The following SLC35A3 variants were observed in gnomAD, a reference collection of about 807,000 sequenced individuals.
SLC35A3 encodes solute carrier family 35 member A3, also known as UDP-N-acetylglucosamine transporter.
Under a neutral mutation model 39.0 loss-of-function variants are expected in SLC35A3, and 26 were observed. The ratio of observed to expected loss-of-function variants is 0.67; its 90% CI spans 0.49 to 0.92. SLC35A3 has a LOEUF of 0.92. Ranked by LOEUF, SLC35A3 falls within the 40% of genes least tolerant of loss-of-function variation. The probability of loss-of-function intolerance (pLI) is 0.00; values close to 1 mark genes in which losing one functional copy is unlikely to be tolerated. For synonymous variants in SLC35A3, 135 were observed against 133.1 expected, an observed-to-expected ratio of 1.01 and a Z score of -0.10; for missense variants, 299 against 371.6, an observed-to-expected ratio of 0.80 and a Z score of 1.61.
chr1:99,970,706 G>A (rs1656756251), intron 1 of SLC35A3: 3 of 1,149,146 alleles, frequency 2.6e-6, no homozygotes, highest in East Asian at 5.1e-5. Context: ...CAGAACAGGT[G>A]TGTGGGTGCA....
intron 2 of SLC35A3, among the ~76,000 whole-genome samples, chr1:99,995,849 A>G (rs944987730): frequency 6.6e-6 from 1 of 152,226 alleles, no homozygotes; most frequent in Admixed American, 6.5e-5. Context: ...ATCAGATTCC[A>G]CAGAAGGAAT....
At chr1:99,974,492 GT>G (rs972779719) in intron 1 of SLC35A3, among the ~76,000 whole-genome samples, 31 of 151,964 alleles carry the variant, frequency 2.0e-4, no homozygotes, top group Non-Finnish European at 4.1e-4. Context: ...GTGCTTTTTT[GT>G]TTTTTAAATA....
In SLC35A3 at chr1:100,026,930, T is replaced by C. The variant is rs1660944569; in HGVS notation, c.*4454T>C. The C allele has an allele frequency of 2.8e-6, 1 of 354,614 alleles. No homozygotes were observed. Among genetic ancestry groups the C allele is most frequent in the South Asian group, 1.5e-4 (1 of 6,614 alleles). 22.0% of individuals were successfully genotyped at this position (354,614 alleles called of 1,614,324 possible). A position where few individuals can be genotyped will look rare whatever the true frequency, so the allele number is the denominator to read the frequency against. On this transcript the variant is annotated 3_prime_UTR_variant, in exon 8 of 8. Transcript: ENST00000533028. ...TTTTTTGGTATCCAGCTATTACCTATTTAATAGATTTATTGAAATAGATTA... is the reference window on the plus strand; with the variant it reads ...TTTTTTGGTATCCAGCTATTACCTACTTAATAGATTTATTGAAATAGATTA...
At chr1:99,990,277 A>T (rs893183867) in intron 1 of SLC35A3, among the ~76,000 whole-genome samples, 9 of 152,118 alleles carry the variant, frequency 5.9e-5, no homozygotes, top group South Asian at 4.2e-4. Context: ...GTTATTTTTT[A>T]AAAAATACGT....
chr1:100,035,242 T>A lies in SLC35A3; in HGVS notation c.*12766T>A, dbSNP rs1000329760. 2 of 152,242 alleles carry A rather than the reference T, an allele frequency of 1.3e-5. No homozygotes were observed. Among genetic ancestry groups the A allele is most frequent in the Admixed American group, 6.5e-5 (1 of 15,286 alleles). The allele number at this position is 152,242 out of a possible 1,614,324, so 9.4% of individuals were successfully genotyped here. On this transcript the variant is annotated 3_prime_UTR_variant, in exon 8 of 8. Coordinates refer to ENST00000533028, the MANE Select transcript of SLC35A3 (RefSeq NM_012243.3). The stretch of plus-strand genomic sequence containing the variant: ...ACAATGTAATGCTGTGTAGTCATAC[T>A]GTATTTTTTACTTGTATTTTTGTTG...
chr1:99,995,709 G>A (rs923975951), intron 2 of SLC35A3, among the ~76,000 whole-genome samples: 8 of 152,158 alleles, frequency 5.3e-5, no homozygotes, highest in African/African-American at 1.9e-4. Context: ...TAGAGTCTAT[G>A]CATATGGAGC....
chr1:100,006,286 T>G (rs1659224900), intron 3 of SLC35A3, among the ~76,000 whole-genome samples: 1 of 152,120 alleles, frequency 6.6e-6, no homozygotes, highest in African/African-American at 2.4e-5. Context: ...CTAGCAGTGG[T>G]GGGTCCAGGT....
At chr1:99,992,173 T>C (rs866437269) in intron 1 of SLC35A3, among the ~76,000 whole-genome samples, 1 of 152,186 alleles carries the variant, frequency 6.6e-6, no homozygotes, top group African/African-American at 2.4e-5. Context: ...GTAAAAATCT[T>C]TAATTATGAC....
intron 1 of SLC35A3, among the ~76,000 whole-genome samples, chr1:99,983,904 G>A (rs1353115669): frequency 6.6e-6 from 1 of 152,286 alleles, no homozygotes; most frequent in South Asian, 2.1e-4. Flanking sequence ...TTACAGGCAT[G>A]AGCCACCGCA....
At position 100,032,942 on chromosome 1, in the gene SLC35A3, A is replaced by G. The variant is rs1661321140; in HGVS notation, c.*10466A>G. On this transcript the variant is annotated 3_prime_UTR_variant, in exon 8 of 8. Coordinates refer to ENST00000533028, the MANE Select transcript of SLC35A3 (RefSeq NM_012243.3). ...GCTTACCTTATATTTGTCTTGTTCCAAATTTGGATTATCAGCTAATTCTCC... is the reference window on the plus strand; with the variant it reads ...GCTTACCTTATATTTGTCTTGTTCCGAATTTGGATTATCAGCTAATTCTCC... 6.6e-6 allele frequency: 1 copy of G among 152,234 alleles called. No homozygotes were observed. The highest frequency in any genetic ancestry group is 6.5e-5 in the Admixed American group (1 of 15,280). The allele number at this position is 152,234 out of a possible 1,614,324, so 9.4% of individuals were successfully genotyped here.
At chr1:100,017,645 C>T (rs75080379) in intron 6 of SLC35A3, 37 bp from the exon 7 acceptor site, 15,907 of 1,394,974 alleles carry the variant, frequency 0.011, 101 homozygotes, top group Middle Eastern at 0.035. Context: ...TGCAGTTTTA[C>T]ATGTGTGTTT....
chr1:99,973,940 G>A (rs771556795), intron 1 of SLC35A3, among the ~76,000 whole-genome samples: 77 of 151,830 alleles, frequency 5.1e-4, no homozygotes, highest in Non-Finnish European at 8.2e-4. Flanking sequence ...GCTTGAACGC[G>A]GGAGGCGGAG....
At chr1:100,002,914 T>A (rs1646967902) in intron 3 of SLC35A3, among the ~76,000 whole-genome samples, 2 of 151,938 alleles carry the variant, frequency 1.3e-5, no homozygotes, top group Admixed American at 1.3e-4. Context: ...ATGCCTGGCC[T>A]GCCCATCTTT....
In SLC35A3 at chr1:99,983,177, T is replaced by G. The variant is rs529803930; in HGVS notation, c.-18-10360T>G. Among the ~76,000 whole-genome samples, 284 of 152,172 alleles carry G rather than the reference T, an allele frequency of 1.9e-3. 2 individuals are homozygous for G. The highest frequency in any genetic ancestry group is 6.8e-3 in the Middle Eastern group (2 of 294). ...AATTAGATTAATAGAATTGTGTGTG[T>G]GTGGGTGTGTGTGTGTGTTTCAGAA... On this transcript the variant is annotated intron_variant, in intron 1 of 7. Transcript: ENST00000533028.
At chr1:99,982,946 A>G (rs1448200007) in intron 1 of SLC35A3, among the ~76,000 whole-genome samples, 16 of 152,334 alleles carry the variant, frequency 1.1e-4, no homozygotes, top group Admixed American at 2.0e-4. Flanking sequence ...TTTTTTGTGC[A>G]CAGGACTGTA....
intron 2 of SLC35A3, among the ~76,000 whole-genome samples, chr1:99,994,977 T>C (rs1322295171): frequency 6.6e-6 from 1 of 152,166 alleles, no homozygotes; most frequent in African/African-American, 2.4e-5. Flanking sequence ...AATATTTTGT[T>C]TTTTTGTTTT....
intron 3 of SLC35A3, among the ~76,000 whole-genome samples, chr1:100,004,637 T>C (rs1659071701): frequency 6.6e-6 from 1 of 152,160 alleles, no homozygotes. Context: ...TCTCAGTTTT[T>C]CCTTATCTAG....
chr1:99,984,204 G>A (rs1460357353), intron 1 of SLC35A3, among the ~76,000 whole-genome samples: 1 of 152,160 alleles, frequency 6.6e-6, no homozygotes, highest in Non-Finnish European at 1.5e-5. Context: ...AAACACTTGT[G>A]TCTTATATAT....
chr1:99,990,808 A>T (rs1383023351), intron 1 of SLC35A3, among the ~76,000 whole-genome samples: 2 of 152,066 alleles, frequency 1.3e-5, no homozygotes, highest in Non-Finnish European at 2.9e-5. Flanking sequence ...GGCCTTTGGG[A>T]GGTAATTAGG....
Sources: gnomAD v4.1 joint callset for allele counts (sites outside exome capture counted in the v4.1 genomes callset) on GRCh38, gnomAD v4.1.1 for gene constraint, MANE v1.5 for transcripts, NCBI Gene and HGNC (gene_info 2026-07-23, HGNC 2026-07-21) for gene names.